The following CTBP1 variants were observed in gnomAD, a reference collection of about 807,000 sequenced individuals.
CTBP1 encodes C-terminal-binding protein 1.
In CTBP1, 11 loss-of-function variants were observed where a neutral mutation model predicts 42.1. The ratio of observed to expected loss-of-function variants is 0.26; its 90% confidence interval spans 0.16 to 0.43. CTBP1 has a LOEUF of 0.43. Ranked by LOEUF, CTBP1 falls within the 20% of genes least tolerant of loss-of-function variation. CTBP1 has a pLI of 1.00. For missense variants in CTBP1, 399 were observed against 624.3 expected, an observed-to-expected ratio of 0.64 and a Z score of 3.85; for synonymous variants, 324 against 277.1, an observed-to-expected ratio of 1.17 and a Z score of -1.68.
At chr4:1,249,639 C>T (rs1459803809), upstream of CTBP1, 2 of 421,354 alleles carry the variant, frequency 4.7e-6, no homozygotes, top group East Asian at 2.1e-4. Context: ...CCACCCGAGC[C>T]CTGATTTACC....
chr4:1,214,173 C>T, intron 7 of CTBP1, 170 bp downstream of exon 7: 2 of 837,524 alleles, frequency 2.4e-6, no homozygotes, highest in Non-Finnish European at 3.4e-6. Flanking sequence ...GGCCTAGAGC[C>T]CGTGGCTCCA....
chr4:1,228,137 C>T (rs1285617270), intron 4 of CTBP1, 62 bp downstream of exon 4: 12 of 1,588,268 alleles, frequency 7.6e-6, no homozygotes, highest in East Asian at 2.2e-5. Flanking sequence ...CCTCCATGGA[C>T]GAAGCAAGAC....
chr4:1,230,891 C>T (rs1015306539), intron 3 of CTBP1, among the ~76,000 whole-genome samples: 4 of 152,252 alleles, frequency 2.6e-5, no homozygotes, highest in African/African-American at 9.6e-5. Context: ...CTTTGGGCTC[C>T]GGGCGCGCCC....
intron 2 of CTBP1, among the ~76,000 whole-genome samples, chr4:1,239,734 G>C (rs1483631794): frequency 6.6e-6 from 1 of 152,364 alleles, no homozygotes; most frequent in Non-Finnish European, 1.5e-5. Flanking sequence ...TGCCCCTCCC[G>C]TGAGGTCCTC....
At chr4:1,225,336 G>A (rs978387863) in intron 5 of CTBP1, 24 bp downstream of exon 5, 3 of 1,532,952 alleles carry the variant, frequency 2.0e-6, no homozygotes, top group Non-Finnish European at 2.6e-6. Context: ...GAGGGACACA[G>A]GCGTGGAGCT....
At chr4:1,215,866 G>A (rs1729052052) in intron 6 of CTBP1, 125 bp downstream of exon 6, 7 of 1,057,762 alleles carry the variant, frequency 6.6e-6, no homozygotes, top group East Asian at 2.6e-5. Context: ...GGCAGCCGCC[G>A]CCATGTGGCT....
chr4:1,249,233 C>G (rs1474975745), upstream of CTBP1: 3 of 148,622 alleles, frequency 2.0e-5, no homozygotes, highest in Admixed American at 6.7e-5. Context: ...CCCGCCCGGC[C>G]GGGACGCGGC....
chr4:1,214,477 G>T lies in CTBP1; in HGVS notation c.730-4C>A. On this transcript the variant is annotated splice_region_variant and splice_polypyrimidine_tract_variant and intron_variant, in intron 6 of 9. Coordinates refer to ENST00000382952, the MANE Select transcript of CTBP1 (RefSeq NM_001012614.2). ...CCAGGAAGGCCCCTTGTCTCATCTAGAAGACATAAGGACAGGCCAGGCCCA... is the reference window on the plus strand; with the variant it reads ...CCAGGAAGGCCCCTTGTCTCATCTATAAGACATAAGGACAGGCCAGGCCCA... 1 of 1,582,882 alleles carries T rather than the reference G, an allele frequency of 6.3e-7. No individual in the cohort carries two copies. The highest frequency in any genetic ancestry group is 8.6e-7 in the Non-Finnish European group (1 of 1,168,080).
chr4:1,244,226 G>A (rs1490709309), intron 1 of CTBP1: 9 of 985,228 alleles, frequency 9.1e-6, no homozygotes, highest in South Asian at 9.4e-5. Context: ...ACTCCGCCCC[G>A]ATCCACGTGT....
chr4:1,214,820 C>A (rs986220543), intron 6 of CTBP1, among the ~76,000 whole-genome samples: 1 of 152,246 alleles, frequency 6.6e-6, no homozygotes, highest in African/African-American at 2.4e-5. Context: ...GCCTCCCCCA[C>A]GCAGGGCCTC....
chr4:1,248,569 C>T, intron 1 of CTBP1: 3 of 568,358 alleles, frequency 5.3e-6, no homozygotes, highest in South Asian at 7.6e-5. Flanking sequence ...GATCGGGACC[C>T]GGGGTGCCGT....
intron 1 of CTBP1, among the ~76,000 whole-genome samples, chr4:1,248,165 C>T (rs1394595189): frequency 2.0e-5 from 3 of 152,014 alleles, no homozygotes; most frequent in African/African-American, 7.2e-5. Flanking sequence ...GCCCGTGCTC[C>T]CTGCTTCCGC....
rs1449440360 is a variant in CTBP1 at position 1,211,536 on chromosome 4, C to T, written c.*704G>A. The T allele has an allele frequency of 6.6e-6, 1 of 152,506 alleles. No homozygotes were observed. Among genetic ancestry groups the T allele is most frequent in the Non-Finnish European group, 1.5e-5 (1 of 68,046 alleles). 9.4% of individuals were successfully genotyped at this position (152,506 alleles called of 1,614,324 possible). ...TTTTAACCAAAATATTGCTAGCCTA[C>T]CACATCAGCAGGACGGCACTGGTGC... is the stretch of plus-strand genomic sequence containing the variant. On this transcript the variant is annotated 3_prime_UTR_variant, in exon 10 of 10. Coordinates refer to ENST00000382952, the MANE Select transcript of CTBP1 (RefSeq NM_001012614.2).
chr4:1,242,051 G>A (rs935772816), intron 1 of CTBP1: 41 of 988,000 alleles, frequency 4.1e-5, no homozygotes, highest in Admixed American at 1.2e-4. Flanking sequence ...ACTGAGCCGC[G>A]CCGGCTCCAC....
Position 1,212,178 on chromosome 4 carries a change from C to T in CTBP1, c.*62G>A. The T allele has an allele frequency of 7.4e-7, 1 of 1,345,074 alleles. No individual in the cohort carries two copies. The highest frequency in any genetic ancestry group is 9.7e-7 in the Non-Finnish European group (1 of 1,027,336). 83.3% of individuals were successfully genotyped at this position (1,345,074 alleles called of 1,614,324 possible). On this transcript the variant is annotated 3_prime_UTR_variant, in exon 10 of 10. Transcript: ENST00000382952. ...ACCACACAGATGCCTCCTCCACACA[C>T]TCTGGTCCGAGGGTTTCCGGGCCCT...
At chr4:1,242,566 C>G in intron 1 of CTBP1, 1 of 985,482 alleles carries the variant, frequency 1.0e-6, no homozygotes, top group Non-Finnish European at 1.2e-6. Context: ...CCATCTCCAG[C>G]TTCCAGAGAC....
At position 1,238,018 on chromosome 4, in the gene CTBP1, G is replaced by GC; in HGVS notation, c.162+164_162+165insG. 1.1e-6 allele frequency: 1 copy of GC among 907,790 alleles called. No individual in the cohort carries two copies. The highest frequency in any genetic ancestry group is 1.8e-6 in the Non-Finnish European group (1 of 561,554). The allele number at this position is 907,790 out of a possible 1,614,324, so 56.2% of individuals were successfully genotyped here. ...TGTCCACCTCCTGATGGTGTCCAGG[G>GC]AAAACCCCGTGTCCACCTCCTGACG... On this transcript the variant is annotated intron_variant, in intron 3 of 9. Transcript: ENST00000382952. The surrounding 1 kb of genome is among the most constrained non-coding windows in gnomAD (Gnocchi z 5.9).
At chr4:1,237,699 C>T in intron 3 of CTBP1, 1 of 673,818 alleles carries the variant, frequency 1.5e-6, no homozygotes. Flanking sequence ...TGATGGGGCT[C>T]AGGACAAACC....
chr4:1,247,973 G>A (rs976128275), intron 1 of CTBP1, among the ~76,000 whole-genome samples: 1 of 152,242 alleles, frequency 6.6e-6, no homozygotes, highest in African/African-American at 2.4e-5. Flanking sequence ...GGCCCAGGCC[G>A]GGCTTCCAGA....
Sources: allele counts gnomAD v4.1 joint callset (sites outside exome capture counted in the v4.1 genomes callset), GRCh38; gene constraint gnomAD v4.1.1; non-coding constraint Gnocchi (gnomAD v3.1); transcripts MANE v1.5; gene names NCBI Gene and HGNC (gene_info 2026-07-23, HGNC 2026-07-21).